The following CPT1A variants were observed in gnomAD, a reference collection of about 807,000 sequenced individuals.
CPT1A encodes carnitine palmitoyltransferase 1A, also known as carnitine O-palmitoyltransferase 1, liver isoform.
A neutral mutation model predicts 100.8 loss-of-function variants in CPT1A; 64 were observed. The observed-to-expected ratio is 0.63, with a 90% CI of 0.52 to 0.78. The LOEUF (loss-of-function observed/expected upper bound fraction) is 0.78. Ranked by LOEUF, CPT1A falls within the 30% of genes least tolerant of loss-of-function variation. The pLI, the probability that CPT1A is intolerant of heterozygous loss-of-function variation, is 0.00. For missense variants in CPT1A, 802 were observed against 1,034.1 expected (o/e 0.78, Z 3.08); for synonymous variants, 363 against 396.0 (o/e 0.92, Z 0.99).
Position 68,780,855 on chromosome 11 carries a change from C to G in CPT1A, c.1353-110G>C, listed in dbSNP as rs532474804. 2.2e-4 allele frequency: 172 copies of G among 789,462 alleles called. No homozygotes were observed. In the African/African-American group the frequency reaches 2.7e-3, roughly 13 times the overall value. The allele number at this position is 789,462 out of a possible 1,614,324, so 48.9% of individuals were successfully genotyped here. ...TGGACTAATTCACTTTGCACCTGTC[C>G]CTCTAACAGTGAGCAGACACTCAGT... On this transcript the variant is annotated intron_variant, in intron 11 of 18. Coordinates refer to ENST00000265641, the MANE Select transcript of CPT1A (RefSeq NM_001876.4).
At chr11:68,814,399 C>T (rs1165328282) in intron 2 of CPT1A, among the ~76,000 whole-genome samples, 4 of 152,064 alleles carry the variant, frequency 2.6e-5, no homozygotes, top group Middle Eastern at 6.8e-3. Flanking sequence ...CTCCGCCTCC[C>T]GGGTTCGTGC....
chr11:68,836,116 G>C (rs2154002939), intron 1 of CPT1A, among the ~76,000 whole-genome samples: 1 of 152,266 alleles, frequency 6.6e-6, no homozygotes, highest in Middle Eastern at 3.4e-3. Flanking sequence ...AGCAATCTGT[G>C]GTTGTATTTT....
At chr11:68,762,879 G>A (rs1854671093) in intron 14 of CPT1A, 118 bp from the exon 15 acceptor site, 1 of 1,340,066 alleles carries the variant, frequency 7.5e-7, no homozygotes, top group Non-Finnish European at 1.0e-6. Flanking sequence ...ATTTTTTTGA[G>A]ACGGGGTCTT....
chr11:68,773,120 C>A (rs1037811963), intron 14 of CPT1A, 145 bp downstream of exon 14: 11 of 1,472,272 alleles, frequency 7.5e-6, no homozygotes, highest in South Asian at 1.3e-5. Flanking sequence ...CAACGCCACC[C>A]GGCCCCCGGA....
At chr11:68,818,309 A>T (rs1355474037) in intron 1 of CPT1A, among the ~76,000 whole-genome samples, 1 of 152,110 alleles carries the variant, frequency 6.6e-6, no homozygotes, top group Non-Finnish European at 1.5e-5. Flanking sequence ...GGACAGTCTC[A>T]GGGAGGGAAG....
At chr11:68,818,218 C>T (rs778428316) in intron 1 of CPT1A, among the ~76,000 whole-genome samples, 1 of 152,128 alleles carries the variant, frequency 6.6e-6, no homozygotes, top group Non-Finnish European at 1.5e-5. Flanking sequence ...GCAGAGGCAC[C>T]TTGAGCTGCA....
chr11:68,774,781 C>CAAAA (rs1169875761), intron 13 of CPT1A, among the ~76,000 whole-genome samples: 1 of 54,276 alleles, frequency 1.8e-5, no homozygotes, highest in African/African-American at 6.8e-5. Flanking sequence ...GACTACATCT[C>CAAAA]AAAAAAAAAA....
chr11:68,840,915 C>G (rs987563333), intron 1 of CPT1A, among the ~76,000 whole-genome samples: 1 of 152,162 alleles, frequency 6.6e-6, no homozygotes, highest in Non-Finnish European at 1.5e-5. Context: ...CAGCCCGGCA[C>G]GACCTTGGGC....
Position 68,841,747 on chromosome 11 carries a change from C to T in CPT1A, c.-14+28G>A. ...CAGCCCGCAGGGCCGCCCCGCCACC[C>T]TCCCCACCGCGGGCGACCGGGCCTC... On this transcript the variant is annotated intron_variant, in intron 1 of 18. Transcript: ENST00000265641. The surrounding 1 kb of genome is among the most constrained non-coding windows in gnomAD (Gnocchi z 6.3). 1.0e-6 allele frequency: 1 copy of T among 973,256 alleles called. No homozygotes were observed. Among genetic ancestry groups the T allele is most frequent in the Non-Finnish European group, 1.2e-6 (1 of 818,744 alleles). The allele number at this position is 973,256 out of a possible 1,614,324, so 60.3% of individuals were successfully genotyped here. A position where few individuals can be genotyped will look rare whatever the true frequency, so the allele number is the denominator to read the frequency against.
chr11:68,793,413 A>T lies in CPT1A; in HGVS notation c.880-11T>A. 1 of 1,601,624 alleles carries T rather than the reference A, an allele frequency of 6.2e-7. No homozygotes were observed. The highest frequency in any genetic ancestry group is 8.5e-7 in the Non-Finnish European group (1 of 1,172,370). Reference sequence around the variant, plus strand: ...TCCCAAAAGACGAATCTGTAACAAAAATATATTTCAAACCAACAACGAAAA... The same window carrying T: ...TCCCAAAAGACGAATCTGTAACAAATATATATTTCAAACCAACAACGAAAA... On this transcript the variant is annotated splice_polypyrimidine_tract_variant and intron_variant, in intron 8 of 18. Coordinates refer to ENST00000265641, the MANE Select transcript of CPT1A (RefSeq NM_001876.4).
chr11:68,841,784 T>A lies in CPT1A; in HGVS notation c.-23A>T. On this transcript the variant is annotated 5_prime_UTR_variant, in exon 1 of 19. Transcript: ENST00000265641. The surrounding 1 kb of genome is among the most constrained non-coding windows in gnomAD (Gnocchi z 6.3). ...GGCGACCGGGCCTCACCGAGTCAGC[T>A]ACGGAGGTGCGGCAGCGGCAGCGGC... The A allele has an allele frequency of 4.0e-6, 4 of 993,422 alleles. No homozygotes were observed. The highest frequency in any genetic ancestry group is 4.8e-6 in the Non-Finnish European group (4 of 838,136). The allele number at this position is 993,422 out of a possible 1,614,324, so 61.5% of individuals were successfully genotyped here.
chr11:68,785,894 A>G (rs1855450079), intron 9 of CPT1A: 3 of 611,422 alleles, frequency 4.9e-6, no homozygotes, highest in Admixed American at 2.8e-5. Context: ...AAAAACTACT[A>G]AAACAGAGTA....
rs753866589 is a variant in CPT1A at position 68,775,395 on chromosome 11, G to A, written c.1496C>T (p.Ala499Val). The A allele has an allele frequency of 7.6e-5, 123 of 1,613,990 alleles. 6 individuals are homozygous for A. Among genetic ancestry groups the A allele is most frequent in the African/African-American group, 9.3e-5 (7 of 74,914 alleles). The change falls in exon 13 of 19, where the codon GCG becomes GTG. Residue 499 changes from alanine to valine, a missense_variant. Around this residue, in one of 4 missense-constraint regions of CPT1A, gnomAD observed 627 missense variants for 799.3 expected, o/e 0.78. Transcript: ENST00000265641. The stretch of plus-strand genomic sequence containing the variant: ...GTCGCCTTTGCAGTGCCCATCCTCC[G>A]CATAGCCCAGCTGGAGGCTGTCAAT... ...MSIDSLQLGY[A>V]EDGHCKGDIN...
intron 14 of CPT1A, among the ~76,000 whole-genome samples, chr11:68,767,591 A>AAT (rs1223468277): frequency 2.6e-5 from 4 of 152,150 alleles, no homozygotes; most frequent in African/African-American, 9.7e-5. Flanking sequence ...CTGTCTCAAA[A>AAT]ATATATATAC....
chr11:68,839,653 A>C (rs1566395814), intron 1 of CPT1A: 1 of 985,376 alleles, frequency 1.0e-6, no homozygotes, highest in Non-Finnish European at 1.2e-6. Flanking sequence ...CCAGAAACGC[A>C]GGCACCGCGC....
At chr11:68,802,896 CAA>C (rs901808584) in intron 5 of CPT1A, among the ~76,000 whole-genome samples, 2,975 of 44,928 alleles carry the variant, frequency 0.066, 103 homozygotes, top group African/African-American at 0.17. Context: ...GACCCTGTCT[CAA>C]AAAAAAAAAA....
At chr11:68,759,797 G>T in intron 17 of CPT1A, 136 bp from the exon 18 acceptor site, 1 of 729,788 alleles carries the variant, frequency 1.4e-6, no homozygotes, top group Non-Finnish European at 2.5e-6. Flanking sequence ...GGAGGCTGAG[G>T]CAGGCGGGTC....
chr11:68,801,117 A>G (rs1266095939), intron 5 of CPT1A, among the ~76,000 whole-genome samples: 2 of 152,128 alleles, frequency 1.3e-5, no homozygotes, highest in Admixed American at 1.3e-4. Flanking sequence ...TCCAAAAAAA[A>G]GGGGGAGGGG....
At chr11:68,781,746 G>T (rs765559487) in intron 11 of CPT1A, 25 bp downstream of exon 11, 1 of 1,611,832 alleles carries the variant, frequency 6.2e-7, no homozygotes, top group Non-Finnish European at 8.5e-7. Context: ...GCAAACTCCT[G>T]TCTCTCAGAA....
Sources: gnomAD v4.1 joint callset for allele counts (sites outside exome capture counted in the v4.1 genomes callset) on GRCh38, gnomAD v4.1.1 for gene constraint, gnomAD v4.1.1 regional missense constraint, Gnocchi (gnomAD v3.1) non-coding constraint, MANE v1.5 for transcripts, NCBI Gene and HGNC (gene_info 2026-07-23, HGNC 2026-07-21) for gene names.